The following NCS1 variants were observed in gnomAD, a reference collection of about 807,000 sequenced individuals.
NCS1 encodes the protein frequenin homolog.
NCS1 carries 6 observed loss-of-function variants against 28.4 expected under a neutral mutation model. That is an observed-to-expected ratio of 0.21 (90% CI 0.12 to 0.42). The LOEUF (loss-of-function observed/expected upper bound fraction) is 0.42. NCS1 is among the 10% of genes least tolerant of loss of function. The probability of loss-of-function intolerance (pLI) is 1.00; values close to 1 mark genes in which losing one functional copy is unlikely to be tolerated. For missense variants in NCS1, 131 were observed against 241.4 expected, an observed-to-expected ratio of 0.54 and a Z score of 3.03; for synonymous variants, 86 against 99.3, an observed-to-expected ratio of 0.87 and a Z score of 0.79.
intron 1 of NCS1, among the ~76,000 whole-genome samples, chr9:130,198,435 C>T (rs1350352364): frequency 3.3e-5 from 5 of 152,172 alleles, no homozygotes; most frequent in African/African-American, 7.2e-5. Flanking sequence ...CTGTTTGTGT[C>T]GAATGCTGCC....
chr9:130,221,632 C>A (rs4288463), intron 4 of NCS1, among the ~76,000 whole-genome samples: 144,132 of 144,718 alleles, frequency 1, 71,774 homozygotes, highest in East Asian at 1. Context: ...GGGTTTCATC[C>A]TGTTGGCCAG....
intron 2 of NCS1, among the ~76,000 whole-genome samples, chr9:130,216,609 G>A (rs1025168289): frequency 7.9e-5 from 12 of 151,948 alleles, no homozygotes; most frequent in African/African-American, 2.7e-4. Flanking sequence ...CCAGCTACTC[G>A]GGAGGCTGAG....
At chr9:130,189,454 A>T (rs1832785333) in intron 1 of NCS1, among the ~76,000 whole-genome samples, 1 of 152,086 alleles carries the variant, frequency 6.6e-6, no homozygotes, top group African/African-American at 2.4e-5. Flanking sequence ...GTGGAATGGG[A>T]CTGATCCGGA....
At chr9:130,221,186 G>A (rs1457835146) in intron 4 of NCS1, among the ~76,000 whole-genome samples, 7 of 151,614 alleles carry the variant, frequency 4.6e-5, no homozygotes, top group East Asian at 1.9e-4. Context: ...ACCACACCTG[G>A]CTAATTTTTG....
chr9:130,177,582 G>C lies in NCS1; in HGVS notation c.64+4855G>C, dbSNP rs1456341199. 6.6e-6 allele frequency among the ~76,000 whole-genome samples: 1 copy of C among 152,226 alleles called. No individual in the cohort carries two copies. The highest frequency in any genetic ancestry group is 1.5e-5 in the Non-Finnish European group (1 of 68,042). On this transcript the variant is annotated intron_variant, in intron 1 of 7. Transcript: ENST00000372398. The surrounding 1 kb of genome is among the most constrained non-coding windows in gnomAD (Gnocchi z 4.4). ...CAGAGCAGCAGCAGGAGAGACTGAGGTGGACTCTCGGCATCGGGATGGGCA... is the reference window on the plus strand; with the variant it reads ...CAGAGCAGCAGCAGGAGAGACTGAGCTGGACTCTCGGCATCGGGATGGGCA...
intron 1 of NCS1, among the ~76,000 whole-genome samples, chr9:130,188,495 G>GATCTCGGCA (rs1832770550): frequency 1.7e-5 from 1 of 59,096 alleles, no homozygotes; most frequent in East Asian, 8.4e-4. Context: ...CGATCTCGGC[G>GATCTCGGCA]GAGCCTCCTG....
At position 130,172,638 on chromosome 9, in the gene NCS1, G is replaced by T. The variant is rs782628867; in HGVS notation, c.-26G>T. 2 of 1,422,028 alleles carry T rather than the reference G, an allele frequency of 1.4e-6. No homozygotes were observed. The highest frequency in any genetic ancestry group is 9.3e-7 in the Non-Finnish European group (1 of 1,070,722). 88.1% of individuals were successfully genotyped at this position (1,422,028 alleles called of 1,614,324 possible). A position where few individuals can be genotyped will look rare whatever the true frequency, so the allele number is the denominator to read the frequency against. On this transcript the variant is annotated 5_prime_UTR_variant, in exon 1 of 8. Coordinates refer to ENST00000372398, the MANE Select transcript of NCS1 (RefSeq NM_014286.4). ...GGCGCCCCAACCGGGTCCGGCCCGG[G>T]GGGGCGGGGGCCGCGGCCGCCGAGG...
rs73545563 is a variant in NCS1 at position 130,207,127 on chromosome 9, C to T, written c.89+6145C>T. ...TGAATCTGATCCCAGCCCCTGGCCA[C>T]ACGGGTCCGAGCCCCTGGTCTGCAG... On this transcript the variant is annotated intron_variant, in intron 2 of 7. Coordinates refer to ENST00000372398, the MANE Select transcript of NCS1 (RefSeq NM_014286.4). Among the ~76,000 whole-genome samples the T allele has an allele frequency of 2.4e-3, 371 of 152,358 alleles. 1 individual carries two copies. The highest frequency in any genetic ancestry group is 8.5e-3 in the African/African-American group (354 of 41,590).
intron 1 of NCS1, among the ~76,000 whole-genome samples, chr9:130,182,192 C>T (rs1832668620): frequency 6.6e-6 from 1 of 152,126 alleles, no homozygotes; most frequent in Admixed American, 6.5e-5. Context: ...GAAAGGGAGG[C>T]CCAGGCAAGT....
Position 130,226,338 on chromosome 9 carries a change from AG to A in NCS1, c.475-50del. 1 of 1,508,508 alleles carries A rather than the reference AG, an allele frequency of 6.6e-7. No individual in the cohort carries two copies. The highest frequency in any genetic ancestry group is 1.1e-5 in the South Asian group (1 of 88,622). 93.4% of individuals were successfully genotyped at this position (1,508,508 alleles called of 1,614,324 possible). ...CCGGCCCTGGGCTGGGCTTGTCTAG[AG>A]CCCTCTCCTGGGAGGCCCTGCACCC... On this transcript the variant is annotated intron_variant, in intron 6 of 7. Coordinates refer to ENST00000372398, the MANE Select transcript of NCS1 (RefSeq NM_014286.4). The surrounding 1 kb of genome is among the most constrained non-coding windows in gnomAD (Gnocchi z 4.8).
rs368493946 is a variant in NCS1, at chr9:130,221,401, T to C, written c.308-1249T>C. On this transcript the variant is annotated intron_variant, in intron 4 of 7. Coordinates refer to ENST00000372398, the MANE Select transcript of NCS1 (RefSeq NM_014286.4). ...TCATATATATATATATATATATATA[T>C]ATATATATATATAGAGAGAGAGAGA... Among the ~76,000 whole-genome samples, 6 of 45,066 alleles carry C rather than the reference T, an allele frequency of 1.3e-4. No homozygotes were observed. In the East Asian group the frequency reaches 2.4e-3, roughly 18 times the overall value. 29.6% of individuals were successfully genotyped at this position (45,066 alleles called of 152,430 possible). A position where few individuals can be genotyped will look rare whatever the true frequency, so the allele number is the denominator to read the frequency against.
At chr9:130,211,283 A>G (rs73545572) in intron 2 of NCS1, among the ~76,000 whole-genome samples, 2,848 of 151,462 alleles carry the variant, frequency 0.019, 71 homozygotes, top group African/African-American at 0.056. Flanking sequence ...TGAAGCACTT[A>G]TCTGAAATTG....
intron 1 of NCS1, among the ~76,000 whole-genome samples, chr9:130,188,501 T>C (rs1199336262): frequency 6.6e-6 from 1 of 150,548 alleles, no homozygotes; most frequent in Non-Finnish European, 1.5e-5. Flanking sequence ...CGGCGGAGCC[T>C]CCTGGGTTCA....
chr9:130,236,157 T>C lies in NCS1; in HGVS notation c.*3185T>C, dbSNP rs1554913036. ...TGGGGTTTCAGGAACTTTGTGTTTT[T>C]TCGGAGGGGGTTGGTGGGGAGGTCG... On this transcript the variant is annotated 3_prime_UTR_variant, in exon 8 of 8. Transcript: ENST00000372398. The C allele has an allele frequency of 6.6e-6, 1 of 152,216 alleles. No homozygotes were observed. Among genetic ancestry groups the C allele is most frequent in the East Asian group, 1.9e-4 (1 of 5,198 alleles). 9.4% of individuals were successfully genotyped at this position (152,216 alleles called of 1,614,324 possible).
intron 2 of NCS1, among the ~76,000 whole-genome samples, chr9:130,213,828 C>T (rs1182586963): frequency 6.6e-6 from 1 of 152,182 alleles, no homozygotes; most frequent in African/African-American, 2.4e-5. Context: ...ATCCGCCCAC[C>T]TCTGCCTCCC....
intron 2 of NCS1, among the ~76,000 whole-genome samples, chr9:130,206,344 C>G (rs1316074291): frequency 2.0e-5 from 3 of 151,916 alleles, no homozygotes; most frequent in Non-Finnish European, 2.9e-5. Context: ...TTCAGAGGGC[C>G]CTTTCTCACC....
At chr9:130,184,920 C>T (rs1188277833) in intron 1 of NCS1, among the ~76,000 whole-genome samples, 4 of 151,648 alleles carry the variant, frequency 2.6e-5, no homozygotes, top group African/African-American at 4.9e-5. Context: ...GCTGAGATTG[C>T]GCCACTGCAG....
At chr9:130,211,876 A>G (rs918266585) in intron 2 of NCS1, among the ~76,000 whole-genome samples, 5 of 152,158 alleles carry the variant, frequency 3.3e-5, no homozygotes, top group African/African-American at 1.2e-4. Flanking sequence ...TTGAGGTGCC[A>G]CCAAGGCCCA....
At position 130,181,824 on chromosome 9, in the gene NCS1, C is replaced by T. The variant is rs1554905171; in HGVS notation, c.64+9097C>T. 6.6e-6 allele frequency among the ~76,000 whole-genome samples: 1 copy of T among 152,030 alleles called. No homozygotes were observed. Among genetic ancestry groups the T allele is most frequent in the South Asian group, 2.1e-4 (1 of 4,830 alleles). The stretch of plus-strand genomic sequence containing the variant: ...ACGCTCCGAGCGTGAGTGACGGGGT[C>T]ATGGCGTGTGTCAGGAGTGGGTGAG... On this transcript the variant is annotated intron_variant, in intron 1 of 7. Coordinates refer to ENST00000372398, the MANE Select transcript of NCS1 (RefSeq NM_014286.4). This position sits in a 1 kb window ranked among gnomAD's most constrained non-coding sequence, Gnocchi z 5.0.
Sources: allele counts gnomAD v4.1 joint callset (sites outside exome capture counted in the v4.1 genomes callset), GRCh38; gene constraint gnomAD v4.1.1; non-coding constraint Gnocchi (gnomAD v3.1); transcripts MANE v1.5; gene names NCBI Gene and HGNC (gene_info 2026-07-23, HGNC 2026-07-21).